The following GPC5 variants were observed in gnomAD, a reference collection of about 807,000 sequenced individuals.
The protein encoded by GPC5 is glypican-5.
Under a neutral mutation model 53.9 loss-of-function variants are expected in GPC5, and 47 were observed. The observed-to-expected ratio is 0.87, with a 90% confidence interval of 0.69 to 1.11. GPC5 has a LOEUF of 1.11. Among genes scored for constraint, GPC5 ranks in the 50% most tolerant of loss-of-function variants. GPC5 has a pLI of 0.00. For synonymous variants in GPC5, 286 were observed against 263.3 expected, an observed-to-expected ratio of 1.09 and a Z score of -0.84; for missense variants, 748 against 713.1, an observed-to-expected ratio of 1.05 and a Z score of -0.56.
chr13:91,441,770 T>C (rs1271540857), intron 1 of GPC5, among the ~76,000 whole-genome samples: 1 of 152,218 alleles, frequency 6.6e-6, no homozygotes, highest in Non-Finnish European at 1.5e-5. Context: ...AGTTCTTGGA[T>C]GTATACAAAG....
At chr13:92,646,624 T>G (rs1439737205) in intron 7 of GPC5, among the ~76,000 whole-genome samples, 8 of 152,072 alleles carry the variant, frequency 5.3e-5, no homozygotes, top group Non-Finnish European at 1.2e-4. Flanking sequence ...TTAAATAATA[T>G]TTAGTCTTTT....
At chr13:91,449,011 A>G (rs1330695556) in intron 2 of GPC5, 89 bp downstream of exon 2, 2 of 1,320,950 alleles carry the variant, frequency 1.5e-6, no homozygotes, top group Non-Finnish European at 2.1e-6. Context: ...GGCTGGGTTT[A>G]TTTCCTTGTA....
chr13:91,522,170 A>C (rs562197368), intron 2 of GPC5, among the ~76,000 whole-genome samples: 2 of 152,282 alleles, frequency 1.3e-5, no homozygotes, highest in East Asian at 3.9e-4. Flanking sequence ...GAGATGATGT[A>C]AACCTTTGGC....
At chr13:91,642,571 C>T (rs1331994180) in intron 2 of GPC5, among the ~76,000 whole-genome samples, 3 of 152,030 alleles carry the variant, frequency 2.0e-5, no homozygotes, top group African/African-American at 7.2e-5. Flanking sequence ...AAGATCAACC[C>T]AAAACTTCAA....
At chr13:92,157,658 T>C (rs2041954867) in intron 7 of GPC5, among the ~76,000 whole-genome samples, 1 of 152,208 alleles carries the variant, frequency 6.6e-6, no homozygotes, top group South Asian at 2.1e-4. Flanking sequence ...GAAACATGTT[T>C]AAAATTTAGT....
intron 5 of GPC5, among the ~76,000 whole-genome samples, chr13:91,831,078 T>G (rs2038652462): frequency 7.1e-6 from 1 of 140,398 alleles, no homozygotes; most frequent in Non-Finnish European, 1.5e-5. Context: ...CCTATTATTA[T>G]ATATAATAAT....
chr13:92,748,510 A>G (rs1303375840), intron 7 of GPC5, among the ~76,000 whole-genome samples: 1 of 151,494 alleles, frequency 6.6e-6, no homozygotes, highest in African/African-American at 2.4e-5. Flanking sequence ...TTTTGTAGAG[A>G]CGGGGTTTCA....
At chr13:91,570,716 T>C (rs1207992778) in intron 2 of GPC5, among the ~76,000 whole-genome samples, 1 of 152,168 alleles carries the variant, frequency 6.6e-6, no homozygotes, top group Non-Finnish European at 1.5e-5. Context: ...ATGATTTTTC[T>C]CTGTGCTATG....
intron 7 of GPC5, among the ~76,000 whole-genome samples, chr13:92,158,772 T>C (rs2041964290): frequency 6.6e-6 from 1 of 152,218 alleles, no homozygotes; most frequent in Admixed American, 6.5e-5. Context: ...TAAAACTGTT[T>C]TTTGCTGAGA....
chr13:92,740,166 C>T (rs1184268746), intron 7 of GPC5, among the ~76,000 whole-genome samples: 1 of 152,010 alleles, frequency 6.6e-6, no homozygotes, highest in East Asian at 1.9e-4. Flanking sequence ...CCCTCTGCCT[C>T]ACACTCTCTT....
At chr13:92,510,371 A>C (rs930626164) in intron 7 of GPC5, among the ~76,000 whole-genome samples, 5 of 152,268 alleles carry the variant, frequency 3.3e-5, no homozygotes, top group Admixed American at 1.3e-4. Context: ...AGTGGGTTAG[A>C]ATAAAAGACC....
intron 6 of GPC5, among the ~76,000 whole-genome samples, chr13:92,065,864 T>G (rs2041163263): frequency 6.6e-6 from 1 of 152,096 alleles, no homozygotes; most frequent in Non-Finnish European, 1.5e-5. Flanking sequence ...GGTAGGTTAC[T>G]TTTTATTTAA....
intron 5 of GPC5, among the ~76,000 whole-genome samples, chr13:91,903,091 G>A (rs1186535097): frequency 6.6e-6 from 1 of 150,636 alleles, no homozygotes; most frequent in Non-Finnish European, 1.5e-5. Context: ...CAGGAAACTT[G>A]ATATTATTTC....
chr13:91,668,781 C>G (rs1414919571), intron 2 of GPC5, among the ~76,000 whole-genome samples: 1 of 151,984 alleles, frequency 6.6e-6, no homozygotes, highest in Non-Finnish European at 1.5e-5. Context: ...CTTTAGCACC[C>G]TGAGAATCCT....
In GPC5 at chr13:92,469,062, C is replaced by G. The variant is rs537059602; in HGVS notation, c.1561+324073C>G. Reference sequence around the variant, plus strand: ...TATATTTATTTTTTGTTTTCCAGTGCTGGATACAGGGTGGGGTGCATAGGA... The same window carrying G: ...TATATTTATTTTTTGTTTTCCAGTGGTGGATACAGGGTGGGGTGCATAGGA... On this transcript the variant is annotated intron_variant, in intron 7 of 7. Transcript: ENST00000377067. 2.0e-5 allele frequency among the ~76,000 whole-genome samples: 3 copies of G among 152,160 alleles called. No homozygotes were observed. In the South Asian group the frequency reaches 6.2e-4, roughly 32 times the overall value.
At chr13:92,134,071 G>A (rs2041765410) in intron 6 of GPC5, among the ~76,000 whole-genome samples, 1 of 152,156 alleles carries the variant, frequency 6.6e-6, no homozygotes, top group Admixed American at 6.6e-5. Context: ...CACTTCTGTA[G>A]AGTGTGGTTA....
At chr13:92,612,794 A>G (rs1388484509) in intron 7 of GPC5, among the ~76,000 whole-genome samples, 1 of 152,156 alleles carries the variant, frequency 6.6e-6, no homozygotes, top group Non-Finnish European at 1.5e-5. Context: ...TATTACAAAA[A>G]TGATACTCAA....
chr13:92,398,494 T>G (rs963704600), intron 7 of GPC5, among the ~76,000 whole-genome samples: 2 of 151,804 alleles, frequency 1.3e-5, no homozygotes, highest in Admixed American at 6.6e-5. Flanking sequence ...CACAATAGTT[T>G]GAAATTTTAC....
rs530063898 is a variant in GPC5, at chr13:92,052,745, C to T, written c.1402-92085C>T. On this transcript the variant is annotated intron_variant, in intron 6 of 7. Coordinates refer to ENST00000377067, the MANE Select transcript of GPC5 (RefSeq NM_004466.6). Reference sequence around the variant, plus strand: ...AGCCAGGAAGTCCAGCTGGCTTCACCTCTCAGTAGGACAGAGACATCAGTA... The same window carrying T: ...AGCCAGGAAGTCCAGCTGGCTTCACTTCTCAGTAGGACAGAGACATCAGTA... Among the ~76,000 whole-genome samples, 5 of 152,288 alleles carry T rather than the reference C, an allele frequency of 3.3e-5. No homozygotes were observed. In the East Asian group the frequency reaches 5.8e-4, roughly 18 times the overall value.
Sources: allele counts gnomAD v4.1 joint callset (sites outside exome capture counted in the v4.1 genomes callset), GRCh38; gene constraint gnomAD v4.1.1; transcripts MANE v1.5; gene names NCBI Gene and HGNC (gene_info 2026-07-23, HGNC 2026-07-21).